Variants in ARID4B observed in about 807,000 individuals in gnomAD.
ARID4B encodes the protein AT-rich interaction domain 4B, also known as AT-rich interactive domain-containing protein 4B.
ARID4B carries 26 observed loss-of-function variants against 147.5 expected under a neutral mutation model. The ratio of observed to expected loss-of-function variants is 0.18; its 90% CI spans 0.13 to 0.24. ARID4B has a LOEUF of 0.24. Among genes scored for constraint, ARID4B ranks in the 10% least tolerant of loss-of-function variants. The pLI is 1.00. For synonymous variants in ARID4B, 512 were observed against 507.9 expected (o/e 1.01, Z -0.11); for missense variants, 1,179 against 1,511.5 (o/e 0.78, Z 3.65).
At chr1:235,255,444 T>C (rs1288441468) in intron 5 of ARID4B, among the ~76,000 whole-genome samples, 1 of 152,046 alleles carries the variant, frequency 6.6e-6, no homozygotes, top group Non-Finnish European at 1.5e-5. Context: ...AGAATTCCAA[T>C]TGCATAATAT....
chr1:235,301,605 G>A (rs1195480537), intron 2 of ARID4B, among the ~76,000 whole-genome samples: 4 of 148,810 alleles, frequency 2.7e-5, no homozygotes, highest in Admixed American at 6.7e-5. Context: ...GGGTGCAGTG[G>A]TGCAATCTCA....
chr1:235,204,232 G>A (rs1666155847), intron 17 of ARID4B, among the ~76,000 whole-genome samples: 1 of 152,196 alleles, frequency 6.6e-6, no homozygotes. Flanking sequence ...TGAGGCAGGA[G>A]AATTGCTTGA....
At chr1:235,239,816 T>C (rs1668871161) in intron 8 of ARID4B, among the ~76,000 whole-genome samples, 1 of 152,016 alleles carries the variant, frequency 6.6e-6, no homozygotes, top group Non-Finnish European at 1.5e-5. Context: ...AGAAAAACAT[T>C]AAAAAGTAGG....
At chr1:235,308,861 A>C (rs1056479901) in intron 2 of ARID4B, among the ~76,000 whole-genome samples, 1 of 152,158 alleles carries the variant, frequency 6.6e-6, no homozygotes, top group African/African-American at 2.4e-5. Context: ...TTGGCCTCCC[A>C]AAGTGCCGAG....
intron 11 of ARID4B, among the ~76,000 whole-genome samples, chr1:235,226,951 G>A (rs1667873797): frequency 6.6e-6 from 1 of 152,206 alleles, no homozygotes; most frequent in Non-Finnish European, 1.5e-5. Context: ...TTACAGGCAT[G>A]ACCCACCGTG....
intron 2 of ARID4B, among the ~76,000 whole-genome samples, chr1:235,274,129 T>C (rs1206987670): frequency 6.6e-6 from 1 of 152,004 alleles, no homozygotes; most frequent in Non-Finnish European, 1.5e-5. Context: ...TCCCAGCACT[T>C]TGGGAGGCCA....
intron 2 of ARID4B, among the ~76,000 whole-genome samples, chr1:235,263,814 C>T (rs61838765): frequency 2.0e-5 from 3 of 150,822 alleles, no homozygotes; most frequent in East Asian, 1.9e-4. Context: ...GGTGAAACCC[C>T]GTCTCTACTA....
intron 2 of ARID4B, among the ~76,000 whole-genome samples, chr1:235,290,889 T>C (rs1405944700): frequency 6.6e-6 from 1 of 152,052 alleles, no homozygotes; most frequent in Non-Finnish European, 1.5e-5. Context: ...TGAGAGGAGG[T>C]GTTCAAGAAC....
At chr1:235,309,884 C>T (rs1035585571) in intron 2 of ARID4B, among the ~76,000 whole-genome samples, 3 of 152,210 alleles carry the variant, frequency 2.0e-5, no homozygotes, top group East Asian at 1.9e-4. Context: ...TTACCCCCAA[C>T]CCTGTGCTCT....
At chr1:235,190,800 G>T (rs1665043752) in intron 19 of ARID4B, among the ~76,000 whole-genome samples, 1 of 152,040 alleles carries the variant, frequency 6.6e-6, no homozygotes, top group South Asian at 2.1e-4. Context: ...CAAAAACAAA[G>T]AAATCCAAGA....
chr1:235,309,616 AC>A (rs1673899394), intron 2 of ARID4B, among the ~76,000 whole-genome samples: 1 of 54,348 alleles, frequency 1.8e-5, no homozygotes, highest in Non-Finnish European at 4.0e-5. Flanking sequence ...CTGCCCGGCC[AC>A]CCCTACTGGG....
chr1:235,277,147 G>A lies in ARID4B; in HGVS notation c.7-16395C>T, dbSNP rs144434129. 5.6e-3 allele frequency among the ~76,000 whole-genome samples: 853 copies of A among 152,294 alleles called. 8 individuals are homozygous for A. The highest frequency in any genetic ancestry group is 0.02 in the African/African-American group (811 of 41,564). On this transcript the variant is annotated intron_variant, in intron 2 of 23. Transcript: ENST00000264183. Reference sequence around the variant, plus strand: ...TATGGTCCCAACCATTCAGGGGGCTGAGGTGAGAAGATCACTTGAGCTCAG... The same window carrying A: ...TATGGTCCCAACCATTCAGGGGGCTAAGGTGAGAAGATCACTTGAGCTCAG...
At chr1:235,188,337 C>T (rs941415830) in intron 19 of ARID4B, among the ~76,000 whole-genome samples, 1 of 152,100 alleles carries the variant, frequency 6.6e-6, no homozygotes, top group Admixed American at 6.5e-5. Context: ...AGCCAAAAAC[C>T]AACCCAGTTT....
chr1:235,197,887 C>A (rs1665609693), intron 17 of ARID4B, among the ~76,000 whole-genome samples: 1 of 152,140 alleles, frequency 6.6e-6, no homozygotes, highest in Non-Finnish European at 1.5e-5. Flanking sequence ...TGCAGCAGTA[C>A]TTTTACCTTT....
intron 7 of ARID4B, among the ~76,000 whole-genome samples, chr1:235,242,538 A>C (rs1044676298): frequency 6.6e-6 from 1 of 152,234 alleles, no homozygotes; most frequent in African/African-American, 2.4e-5. Context: ...CAGAAGACTC[A>C]TTCAGCTAGG....
At chr1:235,221,474 A>C in intron 14 of ARID4B, 91 bp downstream of exon 14, 3 of 677,534 alleles carry the variant, frequency 4.4e-6, no homozygotes, top group Non-Finnish European at 7.4e-6. Flanking sequence ...GATTTCTTTA[A>C]AGAAATAATT....
chr1:235,221,703 T>C (rs760053650), intron 13 of ARID4B, 41 bp from the exon 14 acceptor site: 4 of 1,127,316 alleles, frequency 3.5e-6, no homozygotes, highest in Non-Finnish European at 5.3e-6. Context: ...AATTAAAAGG[T>C]GTTAATATAA....
intron 2 of ARID4B, among the ~76,000 whole-genome samples, chr1:235,292,483 G>A (rs986869051): frequency 2.0e-5 from 3 of 152,112 alleles, no homozygotes; most frequent in African/African-American, 7.2e-5. Flanking sequence ...AGTTGTGGTG[G>A]CTCATGCCTG....
At chr1:235,223,475 T>C (rs1486458519) in intron 12 of ARID4B, among the ~76,000 whole-genome samples, 1 of 146,830 alleles carries the variant, frequency 6.8e-6, no homozygotes, top group African/African-American at 2.5e-5. Flanking sequence ...TATCTACACA[T>C]AAATAAGCCC....
Sources: allele counts gnomAD v4.1 joint callset (sites outside exome capture counted in the v4.1 genomes callset), GRCh38; gene constraint gnomAD v4.1.1; transcripts MANE v1.5; gene names NCBI Gene and HGNC (gene_info 2026-07-23, HGNC 2026-07-21).